Variants in ZNF583 observed in about 807,000 individuals in gnomAD.
ZNF583 encodes the protein zinc finger protein L3-5.
ZNF583 carries 30 observed loss-of-function variants against 55.3 expected under a neutral mutation model. That is an observed-to-expected ratio of 0.54 (90% CI 0.41 to 0.74). The LOEUF (loss-of-function observed/expected upper bound fraction) is 0.74. Ranked by LOEUF, ZNF583 falls within the 30% of genes least tolerant of loss-of-function variation. ZNF583 has a pLI of 0.00. For missense variants in ZNF583, 504 were observed against 664.7 expected, an observed-to-expected ratio of 0.76 and a Z score of 2.66; for synonymous variants, 208 against 220.0, an observed-to-expected ratio of 0.95 and a Z score of 0.48.
At chr19:56,416,598 C>G (rs1225445040) in intron 4 of ZNF583, among the ~76,000 whole-genome samples, 1 of 150,380 alleles carries the variant, frequency 6.6e-6, no homozygotes, top group Non-Finnish European at 1.5e-5. Flanking sequence ...GAATTTTCCT[C>G]TAAGTTTATC....
chr19:56,410,076 T>C (rs2042213836), intron 2 of ZNF583, among the ~76,000 whole-genome samples: 1 of 152,200 alleles, frequency 6.6e-6, no homozygotes. Flanking sequence ...AACTCCACAA[T>C]ATTCTTATTG....
At chr19:56,417,184 T>C (rs1600369969) in intron 4 of ZNF583, among the ~76,000 whole-genome samples, 1 of 152,162 alleles carries the variant, frequency 6.6e-6, no homozygotes, top group East Asian at 1.9e-4. Context: ...TGTGAACATA[T>C]ATTTTTATTT....
At chr19:56,417,349 T>C (rs1251621519) in intron 4 of ZNF583, among the ~76,000 whole-genome samples, 1 of 152,226 alleles carries the variant, frequency 6.6e-6, no homozygotes, top group Non-Finnish European at 1.5e-5. Flanking sequence ...AATCTTGGTA[T>C]CGTCAGTAGT....
chr19:56,417,044 A>G (rs1294862057), intron 4 of ZNF583, among the ~76,000 whole-genome samples: 1 of 152,186 alleles, frequency 6.6e-6, no homozygotes, highest in Non-Finnish European at 1.5e-5. Context: ...CTTGAAATTT[A>G]TCTGTATTGT....
chr19:56,421,433 C>T, intron 4 of ZNF583: 1 of 984,232 alleles, frequency 1.0e-6, no homozygotes. Flanking sequence ...TTTTATAGGG[C>T]ATTCATGGGT....
intron 4 of ZNF583, among the ~76,000 whole-genome samples, chr19:56,418,749 T>C (rs2042367654): frequency 6.6e-6 from 1 of 152,208 alleles, no homozygotes; most frequent in African/African-American, 2.4e-5. Context: ...ACCTTATTTT[T>C]CTTGATATAT....
rs1322022772 is a variant in ZNF583 at position 56,425,997 on chromosome 19, G to A, written c.*1629G>A. Reference sequence around the variant, plus strand: ...ATGTGACTATAGATACAAACAGAATGACGAAAGTTTAATGGAGGATGAAAA... The same window carrying A: ...ATGTGACTATAGATACAAACAGAATAACGAAAGTTTAATGGAGGATGAAAA... On this transcript the variant is annotated 3_prime_UTR_variant, in exon 5 of 5. Coordinates refer to ENST00000333201, the MANE Select transcript of ZNF583 (RefSeq NM_152478.3). The A allele has an allele frequency of 6.6e-6, 1 of 152,120 alleles. No homozygotes were observed. The highest frequency in any genetic ancestry group is 1.5e-5 in the Non-Finnish European group (1 of 68,010). The allele number at this position is 152,120 out of a possible 1,614,324, so 9.4% of individuals were successfully genotyped here.
At chr19:56,417,472 T>C (rs1239345754) in intron 4 of ZNF583, among the ~76,000 whole-genome samples, 1 of 152,230 alleles carries the variant, frequency 6.6e-6, no homozygotes, top group Non-Finnish European at 1.5e-5. Context: ...CATATAACTT[T>C]TATGAAAACT....
chr19:56,423,852 T>C lies in ZNF583; in HGVS notation c.1194T>C (p.His398=), dbSNP rs764868015. The change falls in exon 5 of 5, where the codon CAT becomes CAC. Residue 398 remains histidine (H), a synonymous_variant. Transcript: ENST00000333201. ...GCCAGTATGCACACCTTGCTCAACA[T>C]CAGAGAGTTCATACTGGAGAAAAAC... ...AFSQYAHLAQ[H]QRVHTGEKPY... 2 of 1,614,050 alleles carry C rather than the reference T, an allele frequency of 1.2e-6. No homozygotes were observed. The highest frequency in any genetic ancestry group is 3.3e-5 in the Admixed American group (2 of 60,012).
chr19:56,423,132 T>G lies in ZNF583; in HGVS notation c.474T>G (p.Tyr158Ter). Residue 158 changes from tyrosine (Y) to a stop codon, truncating the protein, a stop_gained, in exon 5 of 5, where the codon TAT (tyrosine) becomes TAG (stop). Coordinates refer to ENST00000333201, the MANE Select transcript of ZNF583 (RefSeq NM_152478.3). LOFTEE classifies it high-confidence loss of function. ...EILPEVQNKE[Y>*]NKSWQTFHQD... ...TTCCAGAAGTTCAAAATAAAGAATA[T>G]AACAAATCTTGGCAAACATTCCACC... 2 of 1,611,862 alleles carry G rather than the reference T, an allele frequency of 1.2e-6. No homozygotes were observed. Among genetic ancestry groups the G allele is most frequent in the Non-Finnish European group, 8.5e-7 (1 of 1,179,490 alleles).
intron 4 of ZNF583, among the ~76,000 whole-genome samples, chr19:56,416,324 CAAAA>C (rs34537682): frequency 3.1e-5 from 2 of 65,400 alleles, no homozygotes; most frequent in African/African-American, 6.1e-5. Context: ...GACTCCGTCT[CAAAA>C]AAAAAAAAAA....
chr19:56,412,062 G>A (rs933514788), intron 2 of ZNF583, among the ~76,000 whole-genome samples: 3 of 152,212 alleles, frequency 2.0e-5, no homozygotes, highest in Admixed American at 1.3e-4. Flanking sequence ...GGATCCTGGA[G>A]TTTGCTGCCA....
intron 4 of ZNF583, 93 bp downstream of exon 4, chr19:56,414,533 T>C: frequency 8.6e-7 from 1 of 1,157,768 alleles, no homozygotes; most frequent in African/African-American, 1.5e-5. Flanking sequence ...GTTTCCTGGG[T>C]AGCTCTTCTT....
chr19:56,413,780 G>A (rs191448371), intron 2 of ZNF583, among the ~76,000 whole-genome samples, 179 bp from the exon 3 acceptor site: 311 of 152,298 alleles, frequency 2.0e-3, no homozygotes, highest in African/African-American at 6.1e-3. Flanking sequence ...TCAAAACAAA[G>A]CACAAAGAAG....
At chr19:56,422,629 T>C (rs1415807913) in intron 4 of ZNF583, among the ~76,000 whole-genome samples, 2 of 152,166 alleles carry the variant, frequency 1.3e-5, no homozygotes, top group African/African-American at 4.8e-5. Context: ...AAGTCTGTTA[T>C]TAACTTAGAT....
At chr19:56,406,805 G>A (rs1600349471) in intron 1 of ZNF583, among the ~76,000 whole-genome samples, 1 of 151,406 alleles carries the variant, frequency 6.6e-6, no homozygotes, top group South Asian at 2.1e-4. Flanking sequence ...GGGATTACAG[G>A]CGTGAGCCAC....
chr19:56,413,813 G>A (rs2042274425), intron 2 of ZNF583, 146 bp from the exon 3 acceptor site: 2 of 990,440 alleles, frequency 2.0e-6, no homozygotes, highest in South Asian at 3.3e-5. Context: ...TACCTGACAT[G>A]TGTTGCTCAG....
chr19:56,406,734 A>C (rs917439750), intron 1 of ZNF583, among the ~76,000 whole-genome samples: 5 of 152,018 alleles, frequency 3.3e-5, no homozygotes. Context: ...TCCCCGTGTT[A>C]GCCAGGATGG....
Position 56,414,088 on chromosome 19 carries a change from A to G in ZNF583, c.136+3A>G. On this transcript the variant is annotated splice_donor_region_variant and intron_variant, in intron 3 of 4. Transcript: ENST00000333201. The stretch of plus-strand genomic sequence containing the variant: ...CTACAGGAGCTTGGTATCATTGGGT[A>G]AGGACATGTCCCCTTAATTCAGAAT... 1.3e-6 allele frequency: 2 copies of G among 1,586,168 alleles called. No homozygotes were observed. Among genetic ancestry groups the G allele is most frequent in the Non-Finnish European group, 1.7e-6 (2 of 1,168,326 alleles).
Sources: allele counts gnomAD v4.1 joint callset (sites outside exome capture counted in the v4.1 genomes callset), GRCh38; gene constraint gnomAD v4.1.1; transcripts MANE v1.5; gene names NCBI Gene and HGNC (gene_info 2026-07-23, HGNC 2026-07-21).